The following HLCS variants were observed in gnomAD, a reference collection of about 807,000 sequenced individuals.
HLCS encodes the protein holocarboxylase synthetase.
In HLCS, 53 loss-of-function variants were observed where a neutral mutation model predicts 75.0. The observed-to-expected ratio is 0.71, with a 90% CI of 0.57 to 0.89. HLCS has a LOEUF of 0.89. Ranked by LOEUF, HLCS falls within the 40% of genes least tolerant of loss-of-function variation. The pLI is 0.00. For synonymous variants in HLCS, 431 were observed against 428.6 expected (o/e 1.01, Z -0.07); for missense variants, 966 against 1,074.0 (o/e 0.90, Z 1.41).
chr21:36,965,283 G>A (rs185369147), intron 1 of HLCS, among the ~76,000 whole-genome samples: 1 of 152,266 alleles, frequency 6.6e-6, no homozygotes, highest in East Asian at 1.9e-4. Flanking sequence ...CAATATTCCA[G>A]AAAACAGAGG....
At chr21:36,962,012 G>A (rs2068321857) in intron 2 of HLCS, 24 bp downstream of exon 2, 2 of 1,280,968 alleles carry the variant, frequency 1.6e-6, no homozygotes, top group African/African-American at 3.1e-5. Context: ...TTCCTTATGG[G>A]ACACAAGTAA....
intron 6 of HLCS, among the ~76,000 whole-genome samples, chr21:36,790,843 C>G (rs780312822): frequency 6.6e-6 from 1 of 152,282 alleles, no homozygotes; most frequent in Middle Eastern, 3.4e-3. Flanking sequence ...GATGGCAGAA[C>G]TGTGGTGTTC....
chr21:36,961,077 G>A (rs2068264273), intron 2 of HLCS, among the ~76,000 whole-genome samples: 1 of 152,244 alleles, frequency 6.6e-6, no homozygotes, highest in Admixed American at 6.5e-5. Flanking sequence ...ACGGAAGCGA[G>A]GAGGAGGTGC....
intron 6 of HLCS, among the ~76,000 whole-genome samples, chr21:36,865,371 G>A (rs1057119382): frequency 5.9e-5 from 9 of 151,782 alleles, no homozygotes; most frequent in African/African-American, 2.2e-4. Context: ...CCCGAGAAAG[G>A]AGATGCAAGC....
intron 1 of HLCS, among the ~76,000 whole-genome samples, chr21:36,983,784 A>C (rs1349978528): frequency 2.6e-5 from 4 of 151,412 alleles, no homozygotes; most frequent in Admixed American, 2.0e-4. Context: ...TTGCAGTGAG[A>C]CGAGATGGTG....
chr21:36,831,817 T>A (rs1039376752), intron 6 of HLCS, among the ~76,000 whole-genome samples: 2 of 152,194 alleles, frequency 1.3e-5, no homozygotes, highest in African/African-American at 4.8e-5. Context: ...ATATTTAAAA[T>A]TTTTTTTAAA....
chr21:36,810,692 CAGA>C (rs997740115), intron 6 of HLCS, among the ~76,000 whole-genome samples: 5 of 152,204 alleles, frequency 3.3e-5, no homozygotes, highest in East Asian at 1.9e-4. Context: ...CTGCCATTCT[CAGA>C]AGAAGAAGTT....
intron 6 of HLCS, among the ~76,000 whole-genome samples, chr21:36,827,280 G>C (rs2062036385): frequency 6.6e-6 from 1 of 152,130 alleles, no homozygotes; most frequent in Non-Finnish European, 1.5e-5. Flanking sequence ...AAATACTGCT[G>C]AGCTGAGGCC....
chr21:36,976,172 CCAGCCCTGA>C (rs2068932042), intron 1 of HLCS, among the ~76,000 whole-genome samples: 1 of 152,140 alleles, frequency 6.6e-6, no homozygotes, highest in African/African-American at 2.4e-5. Flanking sequence ...TGCACCACTG[CCAGCCCTGA>C]CAGCCTTTGT....
intron 6 of HLCS, chr21:36,896,569 CT>C: frequency 6.6e-6 from 3 of 453,752 alleles, no homozygotes; most frequent in East Asian, 4.3e-5. Flanking sequence ...GGTTAAACAT[CT>C]TTTTTCATAA....
At position 36,966,425 on chromosome 21, in the gene HLCS, G is replaced by GGGCCCCCCCCCCC; in HGVS notation, c.195+18_195+19insGGGGGGGGGGGCC. On this transcript the variant is annotated intron_variant, in intron 1 of 10. Coordinates refer to ENST00000674895, the MANE Select transcript of HLCS (RefSeq NM_001352514.2). The stretch of plus-strand genomic sequence containing the variant: ...CCGGCTCGCGGGGCCCGGGTCGCCC[G>GGGCCCCCCCCCCC]CCCGCCCGACCCGCCCACCTGGCTG... 5.1e-6 allele frequency: 1 copy of GGGCCCCCCCCCCC among 195,440 alleles called. No individual in the cohort carries two copies. The highest frequency in any genetic ancestry group is 8.6e-6 in the Non-Finnish European group (1 of 116,692). 12.1% of individuals were successfully genotyped at this position (195,440 alleles called of 1,614,324 possible). A position where few individuals can be genotyped will look rare whatever the true frequency, so the allele number is the denominator to read the frequency against.
At chr21:36,964,426 A>C (rs2068463318) in intron 1 of HLCS, among the ~76,000 whole-genome samples, 2 of 152,264 alleles carry the variant, frequency 1.3e-5, no homozygotes, top group Non-Finnish European at 2.9e-5. Context: ...GCTTAAACCC[A>C]ACAACTATTA....
upstream of HLCS, among the ~76,000 whole-genome samples, chr21:36,970,653 G>C (rs1187450941): frequency 1.3e-5 from 2 of 151,872 alleles, no homozygotes; most frequent in Admixed American, 6.6e-5. Flanking sequence ...ACAAGCGTGA[G>C]CCACCGTGCC....
intron 6 of HLCS, among the ~76,000 whole-genome samples, chr21:36,794,649 G>A (rs1395830911): frequency 6.6e-6 from 1 of 152,184 alleles, no homozygotes; most frequent in Non-Finnish European, 1.5e-5. Flanking sequence ...GCAACACTGA[G>A]CCTTTCTAAG....
chr21:36,832,310 G>A (rs927325325), intron 6 of HLCS, among the ~76,000 whole-genome samples: 2 of 152,184 alleles, frequency 1.3e-5, no homozygotes, highest in African/African-American at 4.8e-5. Context: ...CCCTGACTAT[G>A]CACATAGCCA....
chr21:36,855,348 T>C (rs1156953030), intron 6 of HLCS, among the ~76,000 whole-genome samples: 1 of 150,504 alleles, frequency 6.6e-6, no homozygotes, highest in Non-Finnish European at 1.5e-5. Context: ...CTTGTCAACA[T>C]GGTGAAACCC....
chr21:36,877,370 A>T (rs1450496879), intron 6 of HLCS, among the ~76,000 whole-genome samples: 1 of 150,050 alleles, frequency 6.7e-6, no homozygotes, highest in East Asian at 2.0e-4. Flanking sequence ...TTAGAATGGC[A>T]TTTTATCTAT....
At chr21:36,776,709 G>A (rs2060369784) in intron 6 of HLCS, among the ~76,000 whole-genome samples, 1 of 152,088 alleles carries the variant, frequency 6.6e-6, no homozygotes, top group South Asian at 2.1e-4. Flanking sequence ...CACCGCACCC[G>A]GCTGATATGG....
chr21:36,914,873 C>T (rs931654296), intron 5 of HLCS, among the ~76,000 whole-genome samples: 2 of 152,332 alleles, frequency 1.3e-5, no homozygotes, highest in South Asian at 2.1e-4. Flanking sequence ...GGAAAACGCC[C>T]GCCATTTGTC....
Sources: allele counts gnomAD v4.1 joint callset (sites outside exome capture counted in the v4.1 genomes callset), GRCh38; gene constraint gnomAD v4.1.1; transcripts MANE v1.5; gene names NCBI Gene and HGNC (gene_info 2026-07-23, HGNC 2026-07-21).